DNAJB4: variants seen among roughly 807,000 people sequenced by gnomAD.
DNAJB4 encodes the protein DnaJ heat shock protein family (Hsp40) member B4.
A neutral mutation model predicts 26.6 loss-of-function variants in DNAJB4; 10 were observed. That is an observed-to-expected ratio of 0.38 (90% CI 0.23 to 0.64). The LOEUF is 0.64. Among genes scored for constraint, DNAJB4 ranks in the 30% least tolerant of loss-of-function variants. DNAJB4 has a pLI of 0.58. For synonymous variants in DNAJB4, 136 were observed against 134.8 expected (o/e 1.01, Z -0.06); for missense variants, 328 against 408.2 (o/e 0.80, Z 1.69).
chr1:77,995,079 C>T (rs539563711), intron 1 of DNAJB4, among the ~76,000 whole-genome samples: 4 of 152,162 alleles, frequency 2.6e-5, no homozygotes, highest in African/African-American at 9.6e-5. Flanking sequence ...TGAAATGTAC[C>T]TATCTGAATT....
chr1:77,987,498 C>G (rs1230882370), intron 1 of DNAJB4, among the ~76,000 whole-genome samples: 1 of 152,170 alleles, frequency 6.6e-6, no homozygotes, highest in Non-Finnish European at 1.5e-5. Flanking sequence ...CTCCTGGCCT[C>G]AAGCAGTCCT....
chr1:78,008,674 G>A (rs369796964), intron 1 of DNAJB4, among the ~76,000 whole-genome samples: 1 of 152,022 alleles, frequency 6.6e-6, no homozygotes, highest in South Asian at 2.1e-4. Context: ...TGGTTATACA[G>A]CTCTATCAAT....
intron 1 of DNAJB4, chr1:77,981,097 C>T (rs1165296916): frequency 6.6e-6 from 1 of 151,346 alleles, no homozygotes; most frequent in African/African-American, 2.4e-5. Flanking sequence ...ACCCTCAAAA[C>T]AAATTTATGT....
At chr1:77,996,214 A>G (rs1216143988) in intron 1 of DNAJB4, among the ~76,000 whole-genome samples, 1 of 152,062 alleles carries the variant, frequency 6.6e-6, no homozygotes, top group African/African-American at 2.4e-5. Flanking sequence ...ATACAGTGGC[A>G]TGATCACGGC....
rs75071404 is a variant in DNAJB4, at chr1:77,996,156, T to A, written c.-31-8924T>A. On this transcript the variant is annotated intron_variant, in intron 1 of 2. Transcript: ENST00000426517. Reference sequence around the variant, plus strand: ...CTATACTCCCCAAAAAAGGAAATGATATATATATTTTTTGGATACAGGGTC... The same window carrying A: ...CTATACTCCCCAAAAAAGGAAATGAAATATATATTTTTTGGATACAGGGTC... Among the ~76,000 whole-genome samples the A allele has an allele frequency of 3.9e-5, 6 of 152,238 alleles. No homozygotes were observed. The East Asian group carries it at 1.2e-3, about 29-fold the overall frequency.
intron 1 of DNAJB4, among the ~76,000 whole-genome samples, chr1:77,984,946 C>G (rs1319951743): frequency 6.6e-6 from 1 of 152,108 alleles, no homozygotes; most frequent in Non-Finnish European, 1.5e-5. Flanking sequence ...TACAAAGTGC[C>G]AAGATTAATT....
At chr1:77,989,105 G>A (rs1419216114) in intron 1 of DNAJB4, among the ~76,000 whole-genome samples, 5 of 151,234 alleles carry the variant, frequency 3.3e-5, no homozygotes, top group Non-Finnish European at 7.4e-5. Flanking sequence ...TTTTTAAACA[G>A]AGTATTGATA....
At chr1:78,013,754 A>C in intron 2 of DNAJB4, 135 bp downstream of exon 2, 1 of 694,154 alleles carries the variant, frequency 1.4e-6, no homozygotes, top group Non-Finnish European at 2.3e-6. Context: ...ATCCTCTAAG[A>C]TAGTACTAGT....
At chr1:77,994,676 A>ATTT (rs1660020295) in intron 1 of DNAJB4, among the ~76,000 whole-genome samples, 1 of 151,922 alleles carries the variant, frequency 6.6e-6, no homozygotes, top group South Asian at 2.1e-4. Context: ...GAGAAGAGAC[A>ATTT]TTTTAGAAAA....
At chr1:78,001,645 A>G (rs1422028253), upstream of DNAJB4, among the ~76,000 whole-genome samples, 1 of 152,214 alleles carries the variant, frequency 6.6e-6, no homozygotes, top group Admixed American at 6.5e-5. Context: ...AACAAATTAT[A>G]CTTTTAGTTT....
At chr1:77,997,231 A>G (rs1135611) in intron 1 of DNAJB4, among the ~76,000 whole-genome samples, 2 of 151,440 alleles carry the variant, frequency 1.3e-5, no homozygotes, top group African/African-American at 4.9e-5. Context: ...TGTAATCCCA[A>G]CACTGGGAGG....
chr1:77,984,825 C>G (rs1000206876), intron 1 of DNAJB4, among the ~76,000 whole-genome samples: 3 of 152,202 alleles, frequency 2.0e-5, no homozygotes, highest in Non-Finnish European at 2.9e-5. Flanking sequence ...AGGGTAGTTT[C>G]ACACAAACTT....
intron 1 of DNAJB4, among the ~76,000 whole-genome samples, chr1:77,993,703 G>A (rs1040986611): frequency 8.5e-5 from 13 of 152,128 alleles, no homozygotes; most frequent in African/African-American, 3.1e-4. Flanking sequence ...GCACAGTGGG[G>A]TCTCAGTAAT....
intron 1 of DNAJB4, among the ~76,000 whole-genome samples, chr1:77,986,535 C>G (rs1263782279): frequency 6.6e-6 from 1 of 152,148 alleles, no homozygotes; most frequent in Non-Finnish European, 1.5e-5. Context: ...TTCTCAACTC[C>G]CACTCCCCTT....
At chr1:77,987,665 A>G (rs1190408953) in intron 1 of DNAJB4, among the ~76,000 whole-genome samples, 3 of 151,920 alleles carry the variant, frequency 2.0e-5, no homozygotes, top group Non-Finnish European at 2.9e-5. Context: ...GAAGTTGAAA[A>G]ACCTTGGTGT....
intron 1 of DNAJB4, among the ~76,000 whole-genome samples, chr1:77,981,864 A>AT (rs1659656016): frequency 6.6e-6 from 1 of 152,220 alleles, no homozygotes; most frequent in South Asian, 2.1e-4. Context: ...CACTCCACAC[A>AT]TTCATTGCCA....
chr1:77,981,181 T>A (rs1397812137), intron 1 of DNAJB4: 7 of 151,562 alleles, frequency 4.6e-5, no homozygotes. Flanking sequence ...TTTTTTTTTT[T>A]TACATACTCG....
At chr1:78,001,516 T>A (rs1261727099), upstream of DNAJB4, among the ~76,000 whole-genome samples, 1 of 152,178 alleles carries the variant, frequency 6.6e-6, no homozygotes, top group Non-Finnish European at 1.5e-5. Flanking sequence ...GCATTTTATC[T>A]TCTTCTGTAC....
At chr1:78,004,190 C>T (rs757284304), upstream of DNAJB4, among the ~76,000 whole-genome samples, 1 of 151,956 alleles carries the variant, frequency 6.6e-6, no homozygotes, top group Non-Finnish European at 1.5e-5. Flanking sequence ...CTGCAGGGGA[C>T]GGGGGTTGAG....
Sources: gnomAD v4.1 joint callset for allele counts (sites outside exome capture counted in the v4.1 genomes callset) on GRCh38, gnomAD v4.1.1 for gene constraint, MANE v1.5 for transcripts, NCBI Gene and HGNC (gene_info 2026-07-23, HGNC 2026-07-21) for gene names.